The following SUMF1 variants were observed in gnomAD, a reference collection of about 807,000 sequenced individuals.
SUMF1 encodes sulfatase modifying factor 1.
Under a neutral mutation model 47.6 loss-of-function variants are expected in SUMF1, and 48 were observed. That is an observed-to-expected ratio of 1.01 (90% CI 0.80 to 1.28). The LOEUF (loss-of-function observed/expected upper bound fraction) is 1.28, where lower values mean the gene tolerates loss of function less well. SUMF1 is among the 50% of genes most tolerant of loss of function. SUMF1 has a pLI of 0.00. For missense variants in SUMF1, 571 were observed against 485.4 expected (o/e 1.18, Z -1.66); for synonymous variants, 230 against 192.1 (o/e 1.20, Z -1.63).
intron 1 of SUMF1, among the ~76,000 whole-genome samples, chr3:4,461,480 T>C (rs2079813161): frequency 6.6e-6 from 1 of 152,224 alleles, no homozygotes; most frequent in Non-Finnish European, 1.5e-5. Flanking sequence ...CAGTTGCTCA[T>C]CCCTCAGCTC....
intron 1 of SUMF1, among the ~76,000 whole-genome samples, chr3:4,460,913 C>T (rs1485743372): frequency 1.3e-5 from 2 of 151,926 alleles, no homozygotes; most frequent in Non-Finnish European, 2.9e-5. Context: ...CTTCAGCCTC[C>T]CAAAGTGCTG....
At chr3:4,203,834 A>T (rs1695592750) in intron 8 of SUMF1, among the ~76,000 whole-genome samples, 1 of 151,932 alleles carries the variant, frequency 6.6e-6, no homozygotes, top group African/African-American at 2.4e-5. Flanking sequence ...TGATAACAAC[A>T]TTGATTACAA....
chr3:4,066,600 T>C (rs1030972043), intron 9 of SUMF1, among the ~76,000 whole-genome samples: 1 of 152,148 alleles, frequency 6.6e-6, no homozygotes, highest in Non-Finnish European at 1.5e-5. Flanking sequence ...TCCTCCTGAC[T>C]GCTTCCTTAC....
At chr3:4,180,232 G>A (rs1267372560) in intron 8 of SUMF1, among the ~76,000 whole-genome samples, 1 of 152,130 alleles carries the variant, frequency 6.6e-6, no homozygotes, top group Non-Finnish European at 1.5e-5. Flanking sequence ...CTGCTATAAA[G>A]ACATATGCAC....
rs1696606611 is a variant in SUMF1 at position 4,244,129 on chromosome 3, T to A, written c.1014+132201A>T. On this transcript the variant is annotated intron_variant and NMD_transcript_variant, in intron 8 of 12. Coordinates refer to the SUMF1 transcript ENST00000448413. ...CATTTGCTTGGTGGATCTTCCTCCA[T>A]CCCTTTATTTTGAGCCTATGTGTGT... 4.6e-5 allele frequency among the ~76,000 whole-genome samples: 7 copies of A among 152,288 alleles called. No individual in the cohort carries two copies. The South Asian group carries it at 1.4e-3, about 32-fold the overall frequency.
chr3:4,363,339 C>A (rs1199090898), intron 8 of SUMF1, among the ~76,000 whole-genome samples: 1 of 152,164 alleles, frequency 6.6e-6, no homozygotes, highest in Admixed American at 6.5e-5. Context: ...GGCTGTGGGA[C>A]AACATTGCTT....
At chr3:4,294,621 G>T (rs530022666) in intron 8 of SUMF1, among the ~76,000 whole-genome samples, 1 of 152,096 alleles carries the variant, frequency 6.6e-6, no homozygotes, top group South Asian at 2.1e-4. Context: ...TGTTAATTTG[G>T]TGTGTCTGAC....
At chr3:4,157,277 T>G (rs1165729004) in intron 8 of SUMF1, among the ~76,000 whole-genome samples, 1 of 151,514 alleles carries the variant, frequency 6.6e-6, no homozygotes, top group East Asian at 1.9e-4. Flanking sequence ...TCATGTTCCT[T>G]AAGCTAGTAA....
chr3:4,187,330 C>G (rs1352320348), intron 8 of SUMF1, among the ~76,000 whole-genome samples: 1 of 152,208 alleles, frequency 6.6e-6, no homozygotes, highest in African/African-American at 2.4e-5. Context: ...TATCGTGCCA[C>G]TGCACCCCAG....
Position 4,418,097 on chromosome 3 carries a change from T to A in SUMF1, c.638A>T (p.Asp213Val), listed in dbSNP as rs781215980. 1 of 1,614,082 alleles carries A rather than the reference T, an allele frequency of 6.2e-7. No homozygotes were observed. The highest frequency in any genetic ancestry group is 1.1e-5 in the South Asian group (1 of 91,086). Reference sequence around the variant, plus strand: ...TGCCCAAGTGCAGTAGGCAACCGCATCATTCCAGGACACATGGAGAACTGG... The same window carrying A: ...TGCCCAAGTGCAGTAGGCAACCGCAACATTCCAGGACACATGGAGAACTGG... ...DHPVLHVSWN[D>V]AVAYCTWAGK... The change falls in exon 5 of 9, where the codon GAT (aspartate) becomes GTT (valine). Residue 213 changes from aspartate to valine, a missense_variant. Coordinates refer to ENST00000272902, the MANE Select transcript of SUMF1 (RefSeq NM_182760.4).
At chr3:4,411,657 A>ATACTGTCACATAATCTGTCATAATACTGT (rs1296344510) in intron 6 of SUMF1, among the ~76,000 whole-genome samples, 1 of 151,542 alleles carries the variant, frequency 6.6e-6, no homozygotes, top group African/African-American at 2.4e-5. Context: ...ACTGTCACAA[A>ATACTGTCACATAATCTGTCATAATACTGT]CACAGGACCA....
At chr3:4,150,635 T>A (rs1243663994) in intron 8 of SUMF1, among the ~76,000 whole-genome samples, 1 of 151,530 alleles carries the variant, frequency 6.6e-6, no homozygotes, top group Non-Finnish European at 1.5e-5. Context: ...TTCTACCACT[T>A]CATCCTCCTA....
chr3:4,413,591 T>C (rs1485146074), intron 6 of SUMF1, among the ~76,000 whole-genome samples: 3 of 151,998 alleles, frequency 2.0e-5, no homozygotes, highest in Non-Finnish European at 2.9e-5. Context: ...AGCAAACAAA[T>C]GTATATGAGA....
intron 7 of SUMF1, among the ~76,000 whole-genome samples, chr3:4,409,152 G>A (rs996758216): frequency 6.6e-6 from 1 of 152,102 alleles, no homozygotes; most frequent in Non-Finnish European, 1.5e-5. Context: ...CCTCTGGGAG[G>A]CTGCTGCAGT....
At chr3:4,338,913 T>C (rs1699210853) in intron 8 of SUMF1, among the ~76,000 whole-genome samples, 1 of 152,174 alleles carries the variant, frequency 6.6e-6, no homozygotes, top group African/African-American at 2.4e-5. Flanking sequence ...TGTAAGATCC[T>C]GGCGGACTGG....
At chr3:4,300,960 T>A (rs1426529066) in intron 8 of SUMF1, among the ~76,000 whole-genome samples, 1 of 152,042 alleles carries the variant, frequency 6.6e-6, no homozygotes, top group African/African-American at 2.4e-5. Context: ...CCAAAATCAT[T>A]TAAGTTAAAA....
chr3:4,463,997 C>A (rs1387802326), intron 1 of SUMF1, among the ~76,000 whole-genome samples: 1 of 152,136 alleles, frequency 6.6e-6, no homozygotes, highest in African/African-American at 2.4e-5. Context: ...TTCTTGAGGG[C>A]AAAGCCCAGT....
At chr3:4,466,082 G>A (rs1335394996) in intron 1 of SUMF1, among the ~76,000 whole-genome samples, 3 of 152,050 alleles carry the variant, frequency 2.0e-5, no homozygotes, top group African/African-American at 7.2e-5. Context: ...AAAATACCGG[G>A]CAGACAGATT....
At chr3:4,218,489 C>T (rs1271297408) in intron 8 of SUMF1, among the ~76,000 whole-genome samples, 1 of 151,730 alleles carries the variant, frequency 6.6e-6, no homozygotes, top group East Asian at 1.9e-4. Flanking sequence ...GAAGAATAAA[C>T]ATGTGTGAAG....
Sources: gnomAD v4.1 joint callset for allele counts (sites outside exome capture counted in the v4.1 genomes callset) on GRCh38, gnomAD v4.1.1 for gene constraint, MANE v1.5 for transcripts, NCBI Gene and HGNC (gene_info 2026-07-23, HGNC 2026-07-21) for gene names.